Variants in UNC5D observed in about 807,000 individuals in gnomAD.
UNC5D encodes the protein netrin receptor UNC5D.
A neutral mutation model predicts 105.4 loss-of-function variants in UNC5D; 39 were observed. The observed-to-expected ratio is 0.37, with a 90% CI of 0.29 to 0.48. UNC5D has a LOEUF of 0.48. Among genes scored for constraint, UNC5D ranks in the 20% least tolerant of loss-of-function variants. UNC5D has a pLI of 0.98. For missense variants in UNC5D, 991 were observed against 1,202.4 expected, an observed-to-expected ratio of 0.82 and a Z score of 2.60; for synonymous variants, 452 against 450.4, an observed-to-expected ratio of 1.00 and a Z score of -0.04.
At chr8:35,504,339 A>C (rs1429121212) in intron 1 of UNC5D, among the ~76,000 whole-genome samples, 2 of 152,174 alleles carry the variant, frequency 1.3e-5, no homozygotes, top group Non-Finnish European at 2.9e-5. Context: ...TAATTAAAAG[A>C]GTTAATATCT....
chr8:35,394,137 G>A (rs1305576083), intron 1 of UNC5D, among the ~76,000 whole-genome samples: 3 of 152,058 alleles, frequency 2.0e-5, no homozygotes, highest in Non-Finnish European at 4.4e-5. Flanking sequence ...TTGTGTCTTA[G>A]GGGTAGTTCT....
At chr8:35,275,008 T>A (rs1488188938) in intron 1 of UNC5D, among the ~76,000 whole-genome samples, 2 of 151,756 alleles carry the variant, frequency 1.3e-5, no homozygotes, top group Non-Finnish European at 2.9e-5. Flanking sequence ...GGAGAATTGC[T>A]TGAACCTGGG....
intron 16 of UNC5D, among the ~76,000 whole-genome samples, chr8:35,780,472 G>A (rs1802453483): frequency 6.6e-6 from 1 of 152,240 alleles, no homozygotes; most frequent in African/African-American, 2.4e-5. Context: ...AAAGGATGGA[G>A]GAAGGCCCCA....
Position 35,726,262 on chromosome 8 carries a change from T to A in UNC5D, c.1414T>A (p.Ser472Thr). ...DPLDKELMTE[S>T]SLFNPLSDIK... ...TCTGGACAAGGAGCTCATGACAGAGTCCTCACTCTTTAACCCTTTGTCGGA... is the reference window on the plus strand; with the variant it reads ...TCTGGACAAGGAGCTCATGACAGAGACCTCACTCTTTAACCCTTTGTCGGA... Residue 472 changes from serine (S) to threonine (T), a missense_variant, in exon 10 of 17, where the codon TCC (serine) becomes ACC (threonine). Ser to Thr is a moderately conservative substitution (Grantham distance 58). Transcript: ENST00000404895. 6 of 1,613,852 alleles carry A rather than the reference T, an allele frequency of 3.7e-6. No individual in the cohort carries two copies. The highest frequency in any genetic ancestry group is 5.1e-6 in the Non-Finnish European group (6 of 1,179,962).
At chr8:35,304,546 G>A (rs542683991) in intron 1 of UNC5D, among the ~76,000 whole-genome samples, 21 of 152,078 alleles carry the variant, frequency 1.4e-4, no homozygotes, top group Non-Finnish European at 1.9e-4. Flanking sequence ...TTGTTCAGGC[G>A]TGTCATTTAT....
intron 1 of UNC5D, among the ~76,000 whole-genome samples, chr8:35,528,092 T>A (rs924118548): frequency 6.8e-6 from 1 of 147,574 alleles, no homozygotes; most frequent in African/African-American, 2.5e-5. Flanking sequence ...CATGTGCACA[T>A]TGTGCAGGTT....
intron 13 of UNC5D, among the ~76,000 whole-genome samples, chr8:35,755,454 AC>A (rs1256360375): frequency 3.3e-5 from 5 of 149,766 alleles, no homozygotes; most frequent in African/African-American, 1.3e-4. Context: ...AAAGGAAAGC[AC>A]CATAGCGACA....
chr8:35,414,931 AG>A (rs1394231048), intron 1 of UNC5D, among the ~76,000 whole-genome samples: 1 of 152,100 alleles, frequency 6.6e-6, no homozygotes, highest in Non-Finnish European at 1.5e-5. Flanking sequence ...TCATTTAGTA[AG>A]AAATATTTTC....
intron 3 of UNC5D, among the ~76,000 whole-genome samples, chr8:35,574,854 C>T (rs148220984): frequency 6.6e-6 from 1 of 152,226 alleles, no homozygotes; most frequent in Admixed American, 6.5e-5. Context: ...TCATTTTCCC[C>T]TCCTTGACTT....
intron 1 of UNC5D, among the ~76,000 whole-genome samples, chr8:35,327,116 C>T (rs563250072): frequency 2.4e-4 from 36 of 152,152 alleles, no homozygotes; most frequent in South Asian, 1.5e-3. Context: ...AGTGCCTTGG[C>T]GGAAAGATGA....
At chr8:35,577,668 C>T (rs564668224) in intron 3 of UNC5D, among the ~76,000 whole-genome samples, 1 of 152,312 alleles carries the variant, frequency 6.6e-6, no homozygotes, top group African/African-American at 2.4e-5. Context: ...ACACAAACAT[C>T]AGCATGGAGG....
At chr8:35,249,958 A>G (rs1005633178) in intron 1 of UNC5D, among the ~76,000 whole-genome samples, 1 of 152,006 alleles carries the variant, frequency 6.6e-6, no homozygotes, top group Admixed American at 6.6e-5. Context: ...AAAGGAAAAC[A>G]TCTGTAGTAT....
At chr8:35,524,640 C>CAAAAAAAA (rs113548648) in intron 1 of UNC5D, among the ~76,000 whole-genome samples, 2 of 70,970 alleles carry the variant, frequency 2.8e-5, no homozygotes, top group Non-Finnish European at 5.8e-5. Context: ...ATGCCCTGTG[C>CAAAAAAAA]AAAAAAAAAA....
At chr8:35,651,555 T>A (rs557788162) in intron 4 of UNC5D, among the ~76,000 whole-genome samples, 1 of 152,270 alleles carries the variant, frequency 6.6e-6, no homozygotes, top group East Asian at 1.9e-4. Flanking sequence ...TTAAAAAGAA[T>A]AAGAAAATTC....
At chr8:35,648,314 T>A (rs1823181607) in intron 4 of UNC5D, among the ~76,000 whole-genome samples, 1 of 152,096 alleles carries the variant, frequency 6.6e-6, no homozygotes, top group South Asian at 2.1e-4. Flanking sequence ...ATTGTTAACA[T>A]CATTAAAAAG....
At chr8:35,289,711 C>A (rs1806892611) in intron 1 of UNC5D, among the ~76,000 whole-genome samples, 1 of 152,156 alleles carries the variant, frequency 6.6e-6, no homozygotes, top group Non-Finnish European at 1.5e-5. Context: ...GAAAACAACT[C>A]AAATTATATG....
intron 1 of UNC5D, among the ~76,000 whole-genome samples, chr8:35,392,377 A>G (rs894808036): frequency 6.6e-6 from 1 of 152,108 alleles, no homozygotes; most frequent in Non-Finnish European, 1.5e-5. Context: ...ACACCCAGCC[A>G]ATTGTAAAAT....
At chr8:35,407,403 G>A (rs963487444) in intron 1 of UNC5D, among the ~76,000 whole-genome samples, 6 of 152,012 alleles carry the variant, frequency 3.9e-5, no homozygotes, top group Non-Finnish European at 7.4e-5. Context: ...TGATTTTCTG[G>A]TCATATATTT....
chr8:35,790,326 T>G, intron 16 of UNC5D, 33 bp from the exon 17 acceptor site: 1 of 1,600,760 alleles, frequency 6.2e-7, no homozygotes, highest in Non-Finnish European at 8.6e-7. Flanking sequence ...TCATGTTTCG[T>G]TTTGTTCTTT....
Sources: allele counts gnomAD v4.1 joint callset (sites outside exome capture counted in the v4.1 genomes callset), GRCh38; gene constraint gnomAD v4.1.1; transcripts MANE v1.5; gene names NCBI Gene and HGNC (gene_info 2026-07-23, HGNC 2026-07-21).